GLYATL1: variants seen among roughly 807,000 people sequenced by gnomAD.
GLYATL1 encodes glycine-N-acyltransferase like 1, also known as glycine N-acyltransferase-like protein 1.
Under a neutral mutation model 20.0 loss-of-function variants are expected in GLYATL1, and 15 were observed. The ratio of observed to expected loss-of-function variants is 0.75; its 90% CI spans 0.50 to 1.15. The LOEUF (loss-of-function observed/expected upper bound fraction) is 1.15, where lower values mean the gene tolerates loss of function less well. Ranked by LOEUF, GLYATL1 falls within the 50% of genes most tolerant of loss-of-function variation. GLYATL1 has a pLI of 0.00. For synonymous variants in GLYATL1, 151 were observed against 131.5 expected (o/e 1.15, Z -1.01); for missense variants, 380 against 368.5 (o/e 1.03, Z -0.26).
intron 1 of GLYATL1, among the ~76,000 whole-genome samples, chr11:58,932,415 C>G (rs1295100330): frequency 6.6e-6 from 1 of 152,148 alleles, no homozygotes; most frequent in Non-Finnish European, 1.5e-5. Flanking sequence ...TTTTCTTCTT[C>G]TTGTTCTACT....
upstream of GLYATL1, among the ~76,000 whole-genome samples, chr11:58,924,905 T>C (rs1247207299): frequency 1.3e-5 from 2 of 152,234 alleles, no homozygotes; most frequent in African/African-American, 4.8e-5. Flanking sequence ...ATTCAGAAGA[T>C]GAGCTTAATA....
At chr11:58,912,917 T>A (rs990113610), downstream of GLYATL1, among the ~76,000 whole-genome samples, 12 of 152,092 alleles carry the variant, frequency 7.9e-5, no homozygotes, top group African/African-American at 2.7e-4. Context: ...CATACAAAGG[T>A]AAGAGAAAGT....
rs1245975933 is a variant in GLYATL1, at chr11:58,955,916, G to T, written c.798G>T (p.Val266=). The T allele has an allele frequency of 6.2e-7, 1 of 1,614,210 alleles. No individual in the cohort carries two copies. The highest frequency in any genetic ancestry group is 8.5e-7 in the Non-Finnish European group (1 of 1,180,026). Residue 266 remains valine, a synonymous_variant, in exon 7 of 7, where the codon GTG becomes GTT. Coordinates refer to ENST00000532726, the MANE Select transcript of GLYATL1 (RefSeq NM_001389712.2). ...AGAATATTCCATTTTACATCTCTGT[G>T]TTGGAAGAAAATGAAGACTCCCGCA... The part of the protein sequence containing the change: ...RQKNIPFYIS[V]LEENEDSRRF...
upstream of GLYATL1, among the ~76,000 whole-genome samples, chr11:58,923,429 AAGT>A (rs757735506): frequency 1.3e-4 from 20 of 152,214 alleles, no homozygotes; most frequent in African/African-American, 4.8e-4. Context: ...TACGGAAATG[AAGT>A]AGTGGCCCGC....
intron 1 of GLYATL1, among the ~76,000 whole-genome samples, chr11:58,921,658 G>A (rs552049954): frequency 2.0e-5 from 3 of 152,180 alleles, no homozygotes; most frequent in African/African-American, 4.8e-5. Flanking sequence ...TTCCATGACC[G>A]CATCCATGAC....
upstream of GLYATL1, chr11:58,935,770 T>G (rs1855805835): frequency 6.6e-6 from 1 of 151,894 alleles, no homozygotes; most frequent in Non-Finnish European, 1.5e-5. Flanking sequence ...ATACACACAA[T>G]AATAATAATA....
intron 1 of GLYATL1, among the ~76,000 whole-genome samples, chr11:58,919,382 G>C (rs191839072): frequency 6.6e-6 from 1 of 152,146 alleles, no homozygotes; most frequent in Non-Finnish European, 1.5e-5. Flanking sequence ...AATTTCTTCA[G>C]CAGCTGCTTG....
intron 1 of GLYATL1, chr11:58,943,150 C>T (rs1313920127): frequency 1.0e-6 from 1 of 996,864 alleles, no homozygotes; most frequent in Non-Finnish European, 1.4e-6. Context: ...GGACTCTGTA[C>T]TTCTTCATTT....
chr11:58,955,598 T>C lies in GLYATL1; in HGVS notation c.492-12T>C. On this transcript the variant is annotated splice_polypyrimidine_tract_variant and intron_variant, in intron 6 of 6. Coordinates refer to ENST00000532726, the MANE Select transcript of GLYATL1 (RefSeq NM_001389712.2). Reference sequence around the variant, plus strand: ...GGATGAAAGTTGTTGTCTTTCTTTTTGTTGTCTACAGTGAAACTCCCAACT... The same window carrying C: ...GGATGAAAGTTGTTGTCTTTCTTTTCGTTGTCTACAGTGAAACTCCCAACT... The C allele has an allele frequency of 6.2e-7, 1 of 1,608,462 alleles. No homozygotes were observed. Among genetic ancestry groups the C allele is most frequent in the East Asian group, 2.2e-5 (1 of 44,784 alleles).
At chr11:58,925,282 G>A (rs2135120986), upstream of GLYATL1, among the ~76,000 whole-genome samples, 1 of 152,248 alleles carries the variant, frequency 6.6e-6, no homozygotes, top group Non-Finnish European at 1.5e-5. Context: ...TAGCCAATAT[G>A]TTTACATATA....
intron 1 of GLYATL1, among the ~76,000 whole-genome samples, chr11:58,932,495 C>T (rs1256363391): frequency 1.3e-5 from 2 of 152,214 alleles, no homozygotes; most frequent in African/African-American, 2.4e-5. Context: ...ACTTTTACAT[C>T]TACACTTGAG....
intron 1 of GLYATL1, among the ~76,000 whole-genome samples, chr11:58,914,551 A>G (rs898967759): frequency 5.9e-5 from 9 of 152,118 alleles, no homozygotes; most frequent in Non-Finnish European, 1.0e-4. Context: ...TCATGTTAGT[A>G]CTTACATCGC....
At chr11:58,946,443 A>T (rs1856574750) in intron 2 of GLYATL1, among the ~76,000 whole-genome samples, 1 of 152,238 alleles carries the variant, frequency 6.6e-6, no homozygotes, top group South Asian at 2.1e-4. Flanking sequence ...AGTTATTGTT[A>T]AATTATTGGC....
chr11:58,943,700 G>C, intron 2 of GLYATL1, 34 bp downstream of exon 2: 1 of 1,608,166 alleles, frequency 6.2e-7, no homozygotes, highest in Non-Finnish European at 8.5e-7. Context: ...AGCTTCACAC[G>C]TTGGTGTTTT....
intron 1 of GLYATL1, among the ~76,000 whole-genome samples, chr11:58,940,495 A>T (rs1295411010): frequency 6.6e-6 from 1 of 152,208 alleles, no homozygotes; most frequent in African/African-American, 2.4e-5. Context: ...CATATGTATT[A>T]CGTTAAATGT....
chr11:58,917,381 G>A (rs980071870), intron 1 of GLYATL1: 8 of 152,214 alleles, frequency 5.3e-5, no homozygotes, highest in African/African-American at 1.4e-4. Context: ...CCAAACACTG[G>A]TCCCAGAACA....
rs899543890 is a variant in GLYATL1 at position 58,939,593 on chromosome 11, A to T, written c.-224A>T. On this transcript the variant is annotated 5_prime_UTR_variant, in exon 1 of 7. The change abolishes an upstream ATG in the 5' untranslated region. Coordinates refer to ENST00000532726, the MANE Select transcript of GLYATL1 (RefSeq NM_001389712.2). The stretch of plus-strand genomic sequence containing the variant: ...GGGGCCACCACAGCTGGCCCCAACC[A>T]TGGTCCTGATTGCCTTGGAAGAACT... 2.6e-5 allele frequency: 4 copies of T among 152,174 alleles called. No individual in the cohort carries two copies. The highest frequency in any genetic ancestry group is 4.4e-5 in the Non-Finnish European group (3 of 68,048). 9.4% of individuals were successfully genotyped at this position (152,174 alleles called of 1,614,324 possible).
At chr11:58,919,233 TA>T (rs1855251306) in intron 1 of GLYATL1, among the ~76,000 whole-genome samples, 1 of 152,220 alleles carries the variant, frequency 6.6e-6, no homozygotes, top group African/African-American at 2.4e-5. Context: ...AGATCACCTT[TA>T]ATCTGACATA....
At chr11:58,950,993 A>G (rs922617908) in intron 4 of GLYATL1, among the ~76,000 whole-genome samples, 1 of 152,038 alleles carries the variant, frequency 6.6e-6, no homozygotes, top group African/African-American at 2.4e-5. Context: ...CCAATTTATA[A>G]TTATTTTCTA....
Sources: allele counts gnomAD v4.1 joint callset (sites outside exome capture counted in the v4.1 genomes callset), GRCh38; gene constraint gnomAD v4.1.1; transcripts MANE v1.5; gene names NCBI Gene and HGNC (gene_info 2026-07-23, HGNC 2026-07-21).